HECTD2: variants seen among roughly 807,000 people sequenced by gnomAD.
The protein encoded by HECTD2 is HECT domain E3 ubiquitin protein ligase 2.
HECTD2 carries 35 observed loss-of-function variants against 103.2 expected under a neutral mutation model. The observed-to-expected ratio is 0.34, with a 90% CI of 0.26 to 0.45. The LOEUF (loss-of-function observed/expected upper bound fraction) is 0.45. HECTD2 is among the 20% of genes least tolerant of loss of function. The probability of loss-of-function intolerance (pLI) is 1.00; values close to 1 mark genes in which losing one functional copy is unlikely to be tolerated. For missense variants in HECTD2, 596 were observed against 937.4 expected (o/e 0.64, Z 4.76); for synonymous variants, 281 against 329.9 (o/e 0.85, Z 1.61).
intron 2 of HECTD2, among the ~76,000 whole-genome samples, chr10:91,431,956 C>T (rs1031313556): frequency 2.0e-5 from 3 of 151,952 alleles, no homozygotes; most frequent in Admixed American, 6.6e-5. Flanking sequence ...GCATAAATGA[C>T]TCTGACTCGA....
At chr10:91,486,756 A>G (rs1040574890) in intron 10 of HECTD2, 5 of 152,154 alleles carry the variant, frequency 3.3e-5, no homozygotes, top group Admixed American at 6.5e-5. Context: ...TGTTAGCATT[A>G]ATGATTCAAA....
intron 20 of HECTD2, among the ~76,000 whole-genome samples, chr10:91,502,483 A>G (rs1846941568): frequency 6.6e-6 from 1 of 152,242 alleles, no homozygotes; most frequent in African/African-American, 2.4e-5. Context: ...TTCTTCAAGA[A>G]AGAGGTTATG....
chr10:91,494,955 T>A (rs1284475933), intron 14 of HECTD2, among the ~76,000 whole-genome samples: 1 of 152,032 alleles, frequency 6.6e-6, no homozygotes, highest in Non-Finnish European at 1.5e-5. Context: ...ATGAAATTGC[T>A]CATTGTTTTT....
Position 91,460,514 on chromosome 10 carries a change from T to G in HECTD2, c.356T>G (p.Val119Gly). The change falls in exon 3 of 21, where the codon GTC becomes GGC. Residue 119 changes from valine (V) to glycine (G), a missense_variant. This residue lies in a region of HECTD2 where 220 missense variants were observed against 233.9 expected (regional missense o/e 0.94). Transcript: ENST00000298068. ...TCATCATCCGAAATGAAGGCCCCAGTCCTTCCAGAACCTATTCTTCCTATC... is the reference window on the plus strand; with the variant it reads ...TCATCATCCGAAATGAAGGCCCCAGGCCTTCCAGAACCTATTCTTCCTATC... ...DASSSEMKAP[V>G]LPEPILPIQP... The G allele has an allele frequency of 6.2e-7, 1 of 1,612,706 alleles. No individual in the cohort carries two copies. The highest frequency in any genetic ancestry group is 8.5e-7 in the Non-Finnish European group (1 of 1,179,140).
Position 91,512,495 on chromosome 10 carries a change from T to A in HECTD2, c.*111T>A, listed in dbSNP as rs1847462115. 4.0e-6 allele frequency: 4 copies of A among 993,420 alleles called. No homozygotes were observed. The highest frequency in any genetic ancestry group is 5.8e-6 in the Non-Finnish European group (4 of 683,958). The allele number at this position is 993,420 out of a possible 1,614,324, so 61.5% of individuals were successfully genotyped here. A position where few individuals can be genotyped will look rare whatever the true frequency, so the allele number is the denominator to read the frequency against. Reference sequence around the variant, plus strand: ...AAACACTTTGACAAAGCTCACCAACTTTAAAATATTAAGTTTTTAAAAAAT... The same window carrying A: ...AAACACTTTGACAAAGCTCACCAACATTAAAATATTAAGTTTTTAAAAAAT... On this transcript the variant is annotated 3_prime_UTR_variant, in exon 21 of 21. Coordinates refer to ENST00000298068, the MANE Select transcript of HECTD2 (RefSeq NM_182765.6).
chr10:91,425,861 G>A (rs1843537541), intron 2 of HECTD2, among the ~76,000 whole-genome samples: 2 of 151,680 alleles, frequency 1.3e-5, no homozygotes, highest in Admixed American at 6.6e-5. Flanking sequence ...TAGTTTGAAT[G>A]GAAAAGCTTA....
chr10:91,476,211 G>C (rs1206398817), intron 5 of HECTD2, among the ~76,000 whole-genome samples: 2 of 152,192 alleles, frequency 1.3e-5, no homozygotes, highest in Admixed American at 1.3e-4. Context: ...TATGAGAGGG[G>C]ATGGGATGTA....
chr10:91,413,956 TG>T (rs1484128590), intron 1 of HECTD2, among the ~76,000 whole-genome samples: 1 of 152,200 alleles, frequency 6.6e-6, no homozygotes, highest in Non-Finnish European at 1.5e-5. Flanking sequence ...GCTGATGATG[TG>T]AATATTAAAT....
chr10:91,444,025 C>G (rs1844483942), intron 2 of HECTD2, among the ~76,000 whole-genome samples: 2 of 152,024 alleles, frequency 1.3e-5, no homozygotes, highest in African/African-American at 4.8e-5. Flanking sequence ...ATCTCAGCAG[C>G]AGAAAATAAA....
At chr10:91,430,999 A>G (rs1843839068) in intron 2 of HECTD2, among the ~76,000 whole-genome samples, 1 of 150,904 alleles carries the variant, frequency 6.6e-6, no homozygotes, top group Non-Finnish European at 1.5e-5. Flanking sequence ...TTTTGGCATG[A>G]TTTTGCAGCG....
chr10:91,462,591 T>G (rs921909092), intron 5 of HECTD2: 1 of 1,046,528 alleles, frequency 9.6e-7, no homozygotes, highest in African/African-American at 1.6e-5. Flanking sequence ...CCCAAGAATT[T>G]TCATTTGTAA....
chr10:91,469,118 C>G (rs1460156887), intron 5 of HECTD2, among the ~76,000 whole-genome samples: 3 of 151,946 alleles, frequency 2.0e-5, no homozygotes, highest in African/African-American at 7.2e-5. Flanking sequence ...GTAAAGAGAC[C>G]AAATCTACAA....
intron 1 of HECTD2, among the ~76,000 whole-genome samples, chr10:91,424,263 G>C (rs1034761339): frequency 2.0e-5 from 3 of 152,160 alleles, no homozygotes; most frequent in African/African-American, 7.2e-5. Flanking sequence ...GAATGAATCA[G>C]ATGGCTCTAC....
chr10:91,507,963 T>C (rs1252206797), intron 20 of HECTD2, among the ~76,000 whole-genome samples: 9,165 of 123,272 alleles, frequency 0.074, 682 homozygotes, highest in African/African-American at 0.33. Flanking sequence ...TCAGAAATAA[T>C]GCCGCATATG....
At chr10:91,418,901 T>A (rs1843238782) in intron 1 of HECTD2, among the ~76,000 whole-genome samples, 2 of 152,196 alleles carry the variant, frequency 1.3e-5, no homozygotes, top group Admixed American at 1.3e-4. Context: ...TAACCTTTGC[T>A]CAGTATCTCA....
At chr10:91,467,164 G>A (rs534980281) in intron 5 of HECTD2, among the ~76,000 whole-genome samples, 1 of 152,010 alleles carries the variant, frequency 6.6e-6, no homozygotes, top group African/African-American at 2.4e-5. Flanking sequence ...GAGTTGAACA[G>A]GCAAGGAGCA....
At chr10:91,476,323 C>G (rs989272018) in intron 5 of HECTD2, among the ~76,000 whole-genome samples, 4 of 152,182 alleles carry the variant, frequency 2.6e-5, no homozygotes, top group African/African-American at 9.7e-5. Flanking sequence ...CATCTGAGAC[C>G]TAGAAAGCTT....
chr10:91,482,773 A>G (rs1158839926), intron 7 of HECTD2, among the ~76,000 whole-genome samples, 194 bp from the exon 8 acceptor site: 1 of 151,976 alleles, frequency 6.6e-6, no homozygotes, highest in Non-Finnish European at 1.5e-5. Context: ...TCTTAACTCC[A>G]AAGCCCATGC....
intron 2 of HECTD2, among the ~76,000 whole-genome samples, chr10:91,451,748 G>C (rs1844838828): frequency 6.6e-6 from 1 of 152,088 alleles, no homozygotes; most frequent in Non-Finnish European, 1.5e-5. Context: ...GCTTATTAAA[G>C]TTGATGGTAG....
Sources: allele counts gnomAD v4.1 joint callset (sites outside exome capture counted in the v4.1 genomes callset), GRCh38; gene constraint gnomAD v4.1.1; regional missense constraint gnomAD v4.1.1; transcripts MANE v1.5; gene names NCBI Gene and HGNC (gene_info 2026-07-23, HGNC 2026-07-21).